Variants in GPR158 observed in about 807,000 individuals in gnomAD.
GPR158 encodes metabotropic glycine receptor.
Under a neutral mutation model 78.2 loss-of-function variants are expected in GPR158, and 30 were observed. The observed-to-expected ratio is 0.38, with a 90% CI of 0.29 to 0.52. The LOEUF (loss-of-function observed/expected upper bound fraction) is 0.52, where lower values mean the gene tolerates loss of function less well. Among genes scored for constraint, GPR158 ranks in the 20% least tolerant of loss-of-function variants. The pLI, the probability that GPR158 is intolerant of heterozygous loss-of-function variation, is 0.83. For synonymous variants in GPR158, 581 were observed against 591.1 expected (o/e 0.98, Z 0.25); for missense variants, 1,463 against 1,523.5 (o/e 0.96, Z 0.66).
chr10:25,481,480 A>T (rs186918923), intron 5 of GPR158, among the ~76,000 whole-genome samples: 28 of 152,314 alleles, frequency 1.8e-4, no homozygotes, highest in South Asian at 4.1e-4. Flanking sequence ...AATTCTGTCA[A>T]GGATAACTGG....
chr10:25,362,209 A>T (rs1292891987), intron 2 of GPR158, among the ~76,000 whole-genome samples: 1 of 151,940 alleles, frequency 6.6e-6, no homozygotes, highest in African/African-American at 2.4e-5. Flanking sequence ...TTTGTTGTAA[A>T]AGGTGTCCTT....
chr10:25,374,708 AGTT>A (rs746933806), intron 2 of GPR158, among the ~76,000 whole-genome samples: 42 of 151,734 alleles, frequency 2.8e-4, no homozygotes, highest in Non-Finnish European at 1.0e-4. Context: ...GATCTGTCCA[AGTT>A]GTTGTGTGTA....
chr10:25,181,228 T>C (rs1186297365), intron 1 of GPR158, among the ~76,000 whole-genome samples: 2 of 152,248 alleles, frequency 1.3e-5, no homozygotes, highest in Non-Finnish European at 2.9e-5. Context: ...TCAGATGAAC[T>C]TCTGCTGTGG....
Position 25,594,275 on chromosome 10 carries a change from A to G in GPR158, c.1893-17A>G, listed in dbSNP as rs370593582. The G allele has an allele frequency of 7.2e-6, 9 of 1,246,886 alleles. No individual in the cohort carries two copies. The highest frequency in any genetic ancestry group is 3.6e-5 in the South Asian group (3 of 83,616). 77.2% of individuals were successfully genotyped at this position (1,246,886 alleles called of 1,614,324 possible). A position where few individuals can be genotyped will look rare whatever the true frequency, so the allele number is the denominator to read the frequency against. ...ATCTTAATCTTGGATTGTTAACTCA[A>G]TGAATTCTCATTTCAGATTTGTTCT... On this transcript the variant is annotated splice_polypyrimidine_tract_variant and intron_variant, in intron 8 of 10. Transcript: ENST00000376351.
intron 5 of GPR158, among the ~76,000 whole-genome samples, chr10:25,521,655 A>T (rs891876969): frequency 6.6e-6 from 1 of 152,160 alleles, no homozygotes; most frequent in Non-Finnish European, 1.5e-5. Flanking sequence ...CATTTGGTAG[A>T]CTATGTCAGA....
At chr10:25,200,860 TTTG>T (rs1852914434) in intron 1 of GPR158, among the ~76,000 whole-genome samples, 1 of 138,282 alleles carries the variant, frequency 7.2e-6, no homozygotes, top group African/African-American at 2.9e-5. Flanking sequence ...GTATCTGTTT[TTTG>T]TTTTGTTTTT....
chr10:25,405,509 T>C (rs1834501927), intron 3 of GPR158, among the ~76,000 whole-genome samples: 1 of 124,130 alleles, frequency 8.1e-6, no homozygotes, highest in South Asian at 2.5e-4. Flanking sequence ...TTTTTTTTTT[T>C]TTTTTTTTTT....
At chr10:25,574,146 C>CAAAAAA (rs34285790) in intron 7 of GPR158, among the ~76,000 whole-genome samples, 1 of 62,308 alleles carries the variant, frequency 1.6e-5, no homozygotes, top group African/African-American at 6.2e-5. Context: ...TTCTGTTTTA[C>CAAAAAA]AAAAAAAAAA....
At chr10:25,348,534 C>G (rs1019285045) in intron 2 of GPR158, among the ~76,000 whole-genome samples, 1 of 151,790 alleles carries the variant, frequency 6.6e-6, no homozygotes, top group Non-Finnish European at 1.5e-5. Flanking sequence ...AAATAGTACA[C>G]TGGTGTCAAA....
At chr10:25,225,811 C>T (rs1243238496) in intron 2 of GPR158, among the ~76,000 whole-genome samples, 1 of 151,916 alleles carries the variant, frequency 6.6e-6, no homozygotes, top group Non-Finnish European at 1.5e-5. Flanking sequence ...TTCTTTACTA[C>T]TACATTAGAT....
intron 1 of GPR158, among the ~76,000 whole-genome samples, chr10:25,217,430 T>C (rs1418108612): frequency 2.0e-5 from 3 of 152,058 alleles, no homozygotes; most frequent in African/African-American, 7.2e-5. Context: ...GGGCCAAAGG[T>C]CATCTCGTCA....
At chr10:25,189,221 T>C (rs2130639465) in intron 1 of GPR158, among the ~76,000 whole-genome samples, 1 of 152,326 alleles carries the variant, frequency 6.6e-6, no homozygotes, top group East Asian at 1.9e-4. Flanking sequence ...TGGAAGATAG[T>C]GTGGCAATTC....
chr10:25,411,935 A>C (rs1388913649), intron 3 of GPR158, among the ~76,000 whole-genome samples: 2 of 11,170 alleles, frequency 1.8e-4, no homozygotes, highest in African/African-American at 6.2e-4. Flanking sequence ...CTCTATCACA[A>C]AAAAAAAAAA....
chr10:25,417,068 C>A (rs1183479217), intron 4 of GPR158, among the ~76,000 whole-genome samples: 1 of 152,024 alleles, frequency 6.6e-6, no homozygotes, highest in African/African-American at 2.4e-5. Flanking sequence ...AAGATAAAAA[C>A]CAACCAGTCA....
At position 25,221,990 on chromosome 10, in the gene GPR158, A is replaced by G. The variant is rs150197463; in HGVS notation, c.1008+833A>G. On this transcript the variant is annotated intron_variant, in intron 2 of 10. Coordinates refer to ENST00000376351, the MANE Select transcript of GPR158 (RefSeq NM_020752.3). ...TACAACTTTAATTTGAATTTTTGCC[A>G]TTTGTGAAAGGTGATTGTATATAGT... is the stretch of plus-strand genomic sequence containing the variant. Among the ~76,000 whole-genome samples the G allele has an allele frequency of 7.0e-4, 106 of 152,312 alleles. 2 individuals are homozygous for G. In the East Asian group the frequency reaches 0.02, roughly 28 times the overall value.
chr10:25,566,486 C>G (rs935105636), intron 6 of GPR158, among the ~76,000 whole-genome samples: 3 of 152,250 alleles, frequency 2.0e-5, no homozygotes, highest in Admixed American at 2.0e-4. Flanking sequence ...AGTCTTGCAG[C>G]CCTTCTTTCC....
At chr10:25,242,381 A>G (rs1853638583) in intron 2 of GPR158, among the ~76,000 whole-genome samples, 1 of 152,246 alleles carries the variant, frequency 6.6e-6, no homozygotes, top group Non-Finnish European at 1.5e-5. Context: ...AAACTTTAGA[A>G]GTGAAATTAT....
chr10:25,360,535 G>A (rs71495442), intron 2 of GPR158, among the ~76,000 whole-genome samples: 16,908 of 151,192 alleles, frequency 0.11, 1,978 homozygotes, highest in African/African-American at 0.31. Context: ...TGTTTTTGTC[G>A]GGTTTGTCAA....
chr10:25,298,293 T>C (rs1854544394), intron 2 of GPR158, among the ~76,000 whole-genome samples: 2 of 152,184 alleles, frequency 1.3e-5, no homozygotes, highest in Admixed American at 6.5e-5. Context: ...CTTAGCAAAC[T>C]TTTGACTTTA....
Sources: allele counts gnomAD v4.1 joint callset (sites outside exome capture counted in the v4.1 genomes callset), GRCh38; gene constraint gnomAD v4.1.1; transcripts MANE v1.5; gene names NCBI Gene and HGNC (gene_info 2026-07-23, HGNC 2026-07-21).